The following EIF3F variants were observed in gnomAD, a reference collection of about 807,000 sequenced individuals.
EIF3F encodes deubiquitinating enzyme eIF3f.
EIF3F carries 8 observed loss-of-function variants against 36.0 expected under a neutral mutation model. The observed-to-expected ratio is 0.22, with a 90% CI of 0.13 to 0.40. The LOEUF is 0.40. Ranked by LOEUF, EIF3F falls within the 10% of genes least tolerant of loss-of-function variation. EIF3F has a pLI of 1.00. For missense variants in EIF3F, 430 were observed against 467.6 expected (o/e 0.92, Z 0.74); for synonymous variants, 184 against 188.5 (o/e 0.98, Z 0.19).
rs979995491 is a variant in EIF3F at position 7,995,286 on chromosome 11, C to T, written c.915C>T (p.Gly305=). 2.5e-6 allele frequency: 4 copies of T among 1,613,934 alleles called. No homozygotes were observed. Among genetic ancestry groups the T allele is most frequent in the Non-Finnish European group, 3.4e-6 (4 of 1,179,996 alleles). ...SGKVSADNTV[G]RFLMSLVNQV... is the part of the protein sequence containing the mutation. ...AGGTGTCAGCTGACAATACTGTGGG[C>T]CGCTTCCTGATGAGCCTGGTTAACC... The change falls in exon 7 of 8, where the codon GGC becomes GGT. Residue 305 remains glycine, a synonymous_variant. Transcript: ENST00000651655.
intron 2 of EIF3F, 90 bp downstream of exon 2, chr11:7,991,941 G>C (rs1942101033): frequency 6.5e-7 from 1 of 1,529,860 alleles, no homozygotes. Flanking sequence ...CATAACTAGA[G>C]CTCCTGTAGC....
intron 7 of EIF3F, chr11:7,995,709 C>A: frequency 1.7e-6 from 1 of 599,398 alleles, no homozygotes; most frequent in Non-Finnish European, 3.0e-6. Context: ...TATATTCCAT[C>A]CATGGGTTTC....
intron 1 of EIF3F, among the ~76,000 whole-genome samples, chr11:7,988,820 G>C (rs1207463465): frequency 6.6e-6 from 1 of 152,180 alleles, no homozygotes; most frequent in Admixed American, 6.5e-5. Flanking sequence ...GTCTTTGTGA[G>C]AGCTAAATTA....
intron 6 of EIF3F, 53 bp downstream of exon 6, chr11:7,995,171 A>G (rs1489414555): frequency 6.2e-7 from 1 of 1,608,386 alleles, no homozygotes; most frequent in Non-Finnish European, 8.5e-7. Context: ...CTATCCTGGG[A>G]TCACTGAGGC....
chr11:7,998,329 C>T lies in EIF3F; in HGVS notation c.*2307C>T, dbSNP rs1942185266. The T allele has an allele frequency of 6.6e-6, 1 of 152,218 alleles. No homozygotes were observed. Among genetic ancestry groups the T allele is most frequent in the African/African-American group, 2.4e-5 (1 of 41,448 alleles). 9.4% of individuals were successfully genotyped at this position (152,218 alleles called of 1,614,324 possible). On this transcript the variant is annotated 3_prime_UTR_variant, in exon 8 of 8. Coordinates refer to ENST00000651655, the MANE Select transcript of EIF3F (RefSeq NM_003754.3). Reference sequence around the variant, plus strand: ...ACCCATTAACACTGAACTTAGCCCACGACACTTATTCCTGAATGAAGCTTA... The same window carrying T: ...ACCCATTAACACTGAACTTAGCCCATGACACTTATTCCTGAATGAAGCTTA...
Position 7,997,875 on chromosome 11 carries a change from T to C in EIF3F, c.*1853T>C, listed in dbSNP as rs1942178286. ...ACTAAACCTGTACAGACATTTTTCC[T>C]TGTCATTTTTCCCTAAACAATACAA... On this transcript the variant is annotated 3_prime_UTR_variant, in exon 8 of 8. Transcript: ENST00000651655. The C allele has an allele frequency of 1.3e-5, 2 of 152,246 alleles. No individual in the cohort carries two copies. The highest frequency in any genetic ancestry group is 4.1e-4 in the South Asian group (2 of 4,832). 9.4% of individuals were successfully genotyped at this position (152,246 alleles called of 1,614,324 possible).
Position 7,999,984 on chromosome 11 carries a change from AT to A in EIF3F, c.*3965del. On this transcript the variant is annotated 3_prime_UTR_variant, in exon 8 of 8. Coordinates refer to ENST00000651655, the MANE Select transcript of EIF3F (RefSeq NM_003754.3). ...TTTGGGAGGCCAAGGCAGGTGGATC[AT>A]TTGAGGTCAGAAGTTCTTGACCAGC... is the stretch of plus-strand genomic sequence containing the variant. 6.6e-6 allele frequency: 1 copy of A among 152,342 alleles called. No homozygotes were observed. The highest frequency in any genetic ancestry group is 2.4e-5 in the African/African-American group (1 of 41,578). 9.4% of individuals were successfully genotyped at this position (152,342 alleles called of 1,614,324 possible).
chr11:8,000,564 T>C lies in EIF3F; in HGVS notation c.*4542T>C, dbSNP rs1205022051. 6.6e-6 allele frequency: 1 copy of C among 152,190 alleles called. No individual in the cohort carries two copies. The highest frequency in any genetic ancestry group is 2.4e-5 in the African/African-American group (1 of 41,446). 9.4% of individuals were successfully genotyped at this position (152,190 alleles called of 1,614,324 possible). The stretch of plus-strand genomic sequence containing the variant: ...AGAAATGAATATGTGAGGTGATGGA[T>C]GTAACTAGCTTGATTGTGGTAATCA... On this transcript the variant is annotated 3_prime_UTR_variant, in exon 8 of 8. Transcript: ENST00000651655.
rs146329203 is a variant in EIF3F, at chr11:7,995,318, C to T, written c.947C>T (p.Pro316Leu). 1.7e-5 allele frequency: 28 copies of T among 1,613,944 alleles called. No homozygotes were observed. Among genetic ancestry groups the T allele is most frequent in the South Asian group, 9.9e-5 (9 of 91,078 alleles). ...RFLMSLVNQV[P>L]KIVPDDFETM... ...CTGATGAGCCTGGTTAACCAAGTACCGAAAATAGTTCCCGATGACTTTGAG... is the reference window on the plus strand; with the variant it reads ...CTGATGAGCCTGGTTAACCAAGTACTGAAAATAGTTCCCGATGACTTTGAG... The change falls in exon 7 of 8, where the codon CCG becomes CTG. Residue 316 changes from proline (P) to leucine (L), a missense_variant. Transcript: ENST00000651655.
chr11:7,995,911 A>AC (rs1345190345), intron 7 of EIF3F, 34 bp from the exon 8 acceptor site: 4 of 1,600,958 alleles, frequency 2.5e-6, no homozygotes, highest in African/African-American at 1.3e-5. Context: ...TTTCCACCCA[A>AC]CCCCCCACTC....
In EIF3F at chr11:8,000,692, T is replaced by C. The variant is rs190353362; in HGVS notation, c.*4670T>C. ...AATTCTAGAATATGATAAAGTTGTGTTTTCAAGCAAGTAAAGATAGATTAC... is the reference window on the plus strand; with the variant it reads ...AATTCTAGAATATGATAAAGTTGTGCTTTCAAGCAAGTAAAGATAGATTAC... On this transcript the variant is annotated 3_prime_UTR_variant, in exon 8 of 8. Transcript: ENST00000651655. The C allele has an allele frequency of 1.3e-5, 2 of 152,166 alleles. No individual in the cohort carries two copies. Among genetic ancestry groups the C allele is most frequent in the African/African-American group, 4.8e-5 (2 of 41,438 alleles). The allele number at this position is 152,166 out of a possible 1,614,324, so 9.4% of individuals were successfully genotyped here. A position where few individuals can be genotyped will look rare whatever the true frequency, so the allele number is the denominator to read the frequency against.
intron 3 of EIF3F, chr11:7,992,683 T>G: frequency 3.0e-6 from 2 of 656,742 alleles, no homozygotes; most frequent in East Asian, 5.6e-5. Context: ...ACCTTGTAAG[T>G]GACTTGGAAT....
intron 2 of EIF3F, 59 bp downstream of exon 2, chr11:7,991,910 C>T (rs915869017): frequency 2.5e-6 from 4 of 1,581,216 alleles, no homozygotes; most frequent in Middle Eastern, 1.7e-4. Flanking sequence ...GCTCGGCTCC[C>T]CTCACGGTCC....
At chr11:7,991,931 CATAA>C (rs77896992) in intron 2 of EIF3F, 80 bp downstream of exon 2, 222,153 of 1,551,910 alleles carry the variant, frequency 0.14, 17,936 homozygotes, top group African/African-American at 0.3. Flanking sequence ...CTCCCACACT[CATAA>C]CTAGAGCTCC....
rs779325012 is a variant in EIF3F at position 7,995,132 on chromosome 11, GA to G, written c.882+20del. On this transcript the variant is annotated intron_variant, in intron 6 of 7. Coordinates refer to ENST00000651655, the MANE Select transcript of EIF3F (RefSeq NM_003754.3). ...GAGGATGTACTGGTGAGAGGGGAAA[GA>G]AAAAACAAAGGGGGAGGACATAGTT... 3.1e-6 allele frequency: 5 copies of G among 1,611,414 alleles called. No individual in the cohort carries two copies. In the African/African-American group the frequency reaches 6.7e-5, roughly 22 times the overall value.
At position 8,000,911 on chromosome 11, in the gene EIF3F, A is replaced by G. The variant is rs1942214095; in HGVS notation, c.*4889A>G. 1 of 152,222 alleles carries G rather than the reference A, an allele frequency of 6.6e-6. No homozygotes were observed. The highest frequency in any genetic ancestry group is 1.5e-5 in the Non-Finnish European group (1 of 68,032). The allele number at this position is 152,222 out of a possible 1,614,324, so 9.4% of individuals were successfully genotyped here. ...TCTAAGAACTGAGAATCCAGGAGTT[A>G]TTTTAAAAGACTGACAAATTTAGCA... On this transcript the variant is annotated 3_prime_UTR_variant, in exon 8 of 8. Transcript: ENST00000651655.
At chr11:7,995,224 G>A (rs1251489791) in intron 6 of EIF3F, 30 bp from the exon 7 acceptor site, 1 of 1,608,894 alleles carries the variant, frequency 6.2e-7, no homozygotes, top group Non-Finnish European at 8.5e-7. Context: ...ATAATTAACT[G>A]CCTCATCGAG....
chr11:7,998,421 G>A lies in EIF3F; in HGVS notation c.*2399G>A, dbSNP rs950464215. 7 of 152,134 alleles carry A rather than the reference G, an allele frequency of 4.6e-5. No individual in the cohort carries two copies. The East Asian group carries it at 5.8e-4, about 13-fold the overall frequency. 9.4% of individuals were successfully genotyped at this position (152,134 alleles called of 1,614,324 possible). On this transcript the variant is annotated 3_prime_UTR_variant, in exon 8 of 8. Transcript: ENST00000651655. ...TAGGAACACTTGGCACTGTGCGTGG[G>A]GGTCACTTTAAGCAGCAAAATCCAC...
Position 8,001,108 on chromosome 11 carries a change from G to T in EIF3F, c.*5086G>T, listed in dbSNP as rs938064061. On this transcript the variant is annotated 3_prime_UTR_variant, in exon 8 of 8. Transcript: ENST00000651655. ...TGATACATTAGTGTGTAAAGGATAT[G>T]ACCAGACAGCTCACACACAGACACA... The T allele has an allele frequency of 1.3e-5, 2 of 152,174 alleles. No individual in the cohort carries two copies. 9.4% of individuals were successfully genotyped at this position (152,174 alleles called of 1,614,324 possible).
Sources: gnomAD v4.1 joint callset for allele counts (sites outside exome capture counted in the v4.1 genomes callset) on GRCh38, gnomAD v4.1.1 for gene constraint, MANE v1.5 for transcripts, NCBI Gene and HGNC (gene_info 2026-07-23, HGNC 2026-07-21) for gene names.